LINGO2: variants seen among roughly 807,000 people sequenced by gnomAD.
LINGO2 encodes the protein leucine rich repeat and Ig domain containing 2.
LINGO2 carries 14 observed loss-of-function variants against 30.6 expected under a neutral mutation model. The observed-to-expected ratio is 0.46, with a 90% CI of 0.30 to 0.72. LINGO2 has a LOEUF of 0.72. Among genes scored for constraint, LINGO2 ranks in the 30% least tolerant of loss-of-function variants. The probability of loss-of-function intolerance (pLI) is 0.07; values close to 1 mark genes in which losing one functional copy is unlikely to be tolerated. For synonymous variants in LINGO2, 317 were observed against 288.5 expected, an observed-to-expected ratio of 1.10 and a Z score of -1.00; for missense variants, 729 against 751.7, an observed-to-expected ratio of 0.97 and a Z score of 0.35.
the LINGO2 span, among the ~76,000 whole-genome samples, chr9:28,912,417 T>C: frequency 1.3e-5 from 2 of 152,250 alleles, no homozygotes; most frequent in East Asian, 3.9e-4. Context: ...CCTGGTAAGC[T>C]GTTCTGTCTT....
At chr9:28,388,718 G>T (rs1460149375) in intron 2 of LINGO2, among the ~76,000 whole-genome samples, 2 of 151,990 alleles carry the variant, frequency 1.3e-5, no homozygotes, top group Non-Finnish European at 2.9e-5. Context: ...GTATTTTGTG[G>T]TTTTTGACTC....
chr9:28,387,315 AC>A (rs575853298), intron 2 of LINGO2, among the ~76,000 whole-genome samples: 4 of 152,180 alleles, frequency 2.6e-5, no homozygotes, highest in Non-Finnish European at 5.9e-5. Context: ...CACTATAAAA[AC>A]GCACCAATTG....
chr9:28,758,907 C>A, the LINGO2 span, among the ~76,000 whole-genome samples: 25 of 152,144 alleles, frequency 1.6e-4, no homozygotes, highest in Non-Finnish European at 3.2e-4. Context: ...ATTACCAATC[C>A]TGTGAAATTA....
chr9:28,672,988 T>C (rs1457371135), upstream of LINGO2, among the ~76,000 whole-genome samples: 4 of 152,122 alleles, frequency 2.6e-5, no homozygotes, highest in Non-Finnish European at 4.4e-5. Context: ...ATAAACAGTA[T>C]TAAAAGGAGA....
At chr9:28,593,286 A>G in intron 1 of LINGO2, among the ~76,000 whole-genome samples, 1 of 152,102 alleles carries the variant, frequency 6.6e-6, no homozygotes, top group East Asian at 1.9e-4. Context: ...ACTAATCAGA[A>G]ACATGCCATG....
chr9:28,337,390 G>A (rs1205180130), intron 3 of LINGO2, among the ~76,000 whole-genome samples: 2 of 152,118 alleles, frequency 1.3e-5, no homozygotes, highest in Admixed American at 1.3e-4. Context: ...ATGAAAGTTT[G>A]GAAAATCTGC....
chr9:29,190,949 G>C, the LINGO2 span, among the ~76,000 whole-genome samples: 1 of 152,134 alleles, frequency 6.6e-6, no homozygotes, highest in Non-Finnish European at 1.5e-5. Flanking sequence ...ACATCGAAGA[G>C]AAAGTTTCAT....
chr9:28,095,906 A>G (rs1260016795), intron 4 of LINGO2, among the ~76,000 whole-genome samples: 2 of 152,222 alleles, frequency 1.3e-5, no homozygotes, highest in Non-Finnish European at 2.9e-5. Flanking sequence ...GAAGGACATG[A>G]ACAGACACTT....
At chr9:28,648,334 A>T (rs1563891330) in intron 1 of LINGO2, among the ~76,000 whole-genome samples, 1 of 152,124 alleles carries the variant, frequency 6.6e-6, no homozygotes, top group African/African-American at 2.4e-5. Context: ...ATTTATATTA[A>T]CAAAACTTAA....
chr9:28,559,919 AC>A (rs1822952034), intron 1 of LINGO2, among the ~76,000 whole-genome samples: 1 of 152,002 alleles, frequency 6.6e-6, no homozygotes, highest in Non-Finnish European at 1.5e-5. Flanking sequence ...GCTTAAAAAT[AC>A]TATAAAATCA....
intron 1 of LINGO2, among the ~76,000 whole-genome samples, chr9:28,584,933 A>ATTTTTTTTTTTTTTT (rs1046279252): frequency 1.4e-4 from 2 of 13,948 alleles, no homozygotes; most frequent in African/African-American, 3.2e-4. Context: ...ACTGCAAGAG[A>ATTTTTTTTTTTTTTT]TTTTTTTTTT....
chr9:27,972,743 C>G lies in LINGO2; in HGVS notation c.-35-22037G>C, dbSNP rs1820415711. The stretch of plus-strand genomic sequence containing the variant: ...TTATTTTTCCACCTGGAATGCACTT[C>G]AATTTTTCCACATGGACTACTCCCT... On this transcript the variant is annotated intron_variant, in intron 5 of 5. Coordinates refer to ENST00000379992, the Ensembl canonical transcript of LINGO2. Among the ~76,000 whole-genome samples the G allele has an allele frequency of 2.6e-5, 4 of 152,314 alleles. No individual in the cohort carries two copies. The South Asian group carries it at 8.3e-4, about 32-fold the overall frequency.
chr9:28,265,947 A>T (rs914246385), intron 4 of LINGO2, among the ~76,000 whole-genome samples: 5 of 151,994 alleles, frequency 3.3e-5, no homozygotes, highest in African/African-American at 1.2e-4. Flanking sequence ...AGACACATTC[A>T]AAGTGGGGAC....
chr9:28,719,993 A>T, the LINGO2 span, among the ~76,000 whole-genome samples: 1 of 152,032 alleles, frequency 6.6e-6, no homozygotes, highest in African/African-American at 2.4e-5. Context: ...AACATATAAT[A>T]TCTTCTCTGA....
At chr9:29,112,480 T>C in the LINGO2 span, among the ~76,000 whole-genome samples, 5 of 152,146 alleles carry the variant, frequency 3.3e-5, no homozygotes, top group Non-Finnish European at 7.4e-5. Flanking sequence ...ATGTGACCAC[T>C]TGCTCCTGGC....
chr9:28,988,301 T>G, the LINGO2 span, among the ~76,000 whole-genome samples: 6 of 152,316 alleles, frequency 3.9e-5, no homozygotes, highest in South Asian at 1.2e-3. Context: ...GGTCTCATTT[T>G]ACAGTTTTCG....
chr9:28,286,413 G>C (rs1202469919), intron 4 of LINGO2, among the ~76,000 whole-genome samples: 1 of 152,180 alleles, frequency 6.6e-6, no homozygotes, highest in Non-Finnish European at 1.5e-5. Flanking sequence ...ATTTCTCAAA[G>C]ACTTAAAGAC....
At chr9:28,177,246 T>C (rs1828775416) in intron 4 of LINGO2, among the ~76,000 whole-genome samples, 1 of 152,156 alleles carries the variant, frequency 6.6e-6, no homozygotes, top group South Asian at 2.1e-4. Context: ...AATGTATGAA[T>C]AGAAATATGC....
chr9:28,861,327 T>A, the LINGO2 span, among the ~76,000 whole-genome samples: 1 of 131,494 alleles, frequency 7.6e-6, no homozygotes, highest in Non-Finnish European at 1.6e-5. Context: ...ATACTATATA[T>A]AATATATATT....
Sources: allele counts gnomAD v4.1 joint callset (sites outside exome capture counted in the v4.1 genomes callset), GRCh38; gene constraint gnomAD v4.1.1; transcripts MANE v1.5; gene names NCBI Gene and HGNC (gene_info 2026-07-23, HGNC 2026-07-21).